The following RAB3GAP1 variants were observed in gnomAD, a reference collection of about 807,000 sequenced individuals.
RAB3GAP1 encodes the protein RAB3 GTPase activating protein catalytic subunit 1.
RAB3GAP1 carries 86 observed loss-of-function variants against 130.7 expected under a neutral mutation model. The ratio of observed to expected loss-of-function variants is 0.66; its 90% CI spans 0.55 to 0.79. The LOEUF is 0.79. RAB3GAP1 is among the 30% of genes least tolerant of loss of function. The pLI, the probability that RAB3GAP1 is intolerant of heterozygous loss-of-function variation, is 0.00. For synonymous variants in RAB3GAP1, 367 were observed against 401.7 expected (o/e 0.91, Z 1.03); for missense variants, 1,029 against 1,169.4 (o/e 0.88, Z 1.75).
intron 8 of RAB3GAP1, among the ~76,000 whole-genome samples, chr2:135,121,713 A>G (rs1295570992): frequency 6.6e-6 from 1 of 152,236 alleles, no homozygotes; most frequent in Admixed American, 6.5e-5. Flanking sequence ...AAAATAAACT[A>G]ATATTCTTTA....
At chr2:135,147,345 CAAA>C (rs34677841) in intron 17 of RAB3GAP1, among the ~76,000 whole-genome samples, 2 of 84,024 alleles carry the variant, frequency 2.4e-5, no homozygotes, top group African/African-American at 4.5e-5. Flanking sequence ...GACTCTGTCT[CAAA>C]AAAAAAAAAA....
intron 17 of RAB3GAP1, among the ~76,000 whole-genome samples, chr2:135,136,155 G>A (rs1407853563): frequency 1.3e-5 from 2 of 152,044 alleles, no homozygotes; most frequent in Non-Finnish European, 2.9e-5. Context: ...GTGAAACCCT[G>A]TCTCTACTAA....
intron 5 of RAB3GAP1, among the ~76,000 whole-genome samples, chr2:135,105,887 C>G (rs2104899546): frequency 1.3e-5 from 2 of 152,090 alleles, no homozygotes; most frequent in South Asian, 4.2e-4. Flanking sequence ...AGCCGCGACC[C>G]CATCTGGGAG....
At chr2:135,168,380 T>A (rs768964262) in intron 23 of RAB3GAP1, among the ~76,000 whole-genome samples, 165 bp from the exon 24 acceptor site, 4 of 152,240 alleles carry the variant, frequency 2.6e-5, no homozygotes, top group Non-Finnish European at 5.9e-5. Context: ...TTCTTGCATT[T>A]GCTGTGTTAT....
intron 19 of RAB3GAP1, among the ~76,000 whole-genome samples, chr2:135,161,723 A>G (rs996229228): frequency 6.6e-6 from 1 of 152,220 alleles, no homozygotes; most frequent in African/African-American, 2.4e-5. Flanking sequence ...TAAATAAAGC[A>G]AATAATAAAA....
Position 135,081,262 on chromosome 2 carries a change from G to A in RAB3GAP1, c.151-9736G>A, listed in dbSNP as rs565636970. Reference sequence around the variant, plus strand: ...GTGGAGCTTGCAGTGAGCCGAGATCGCGCCACTGCACTCCAGCCTGGGTGA... The same window carrying A: ...GTGGAGCTTGCAGTGAGCCGAGATCACGCCACTGCACTCCAGCCTGGGTGA... On this transcript the variant is annotated intron_variant, in intron 3 of 23. Coordinates refer to ENST00000264158, the MANE Select transcript of RAB3GAP1 (RefSeq NM_012233.3). 3.5e-3 allele frequency among the ~76,000 whole-genome samples: 449 copies of A among 128,512 alleles called. 3 individuals are homozygous for A. The highest frequency in any genetic ancestry group is 4.8e-3 in the Non-Finnish European group (307 of 64,098). 84.3% of individuals were successfully genotyped at this position (128,512 alleles called of 152,430 possible).
chr2:135,094,427 T>C (rs1267287954), intron 5 of RAB3GAP1, among the ~76,000 whole-genome samples: 1 of 152,206 alleles, frequency 6.6e-6, no homozygotes, highest in African/African-American at 2.4e-5. Flanking sequence ...TCTTGACATA[T>C]ACAACAAATT....
In RAB3GAP1 at chr2:135,150,308, T is replaced by C. The variant is rs139113585; in HGVS notation, c.1924-61T>C. The C allele has an allele frequency of 8.8e-6, 14 of 1,594,900 alleles. No individual in the cohort carries two copies. In the East Asian group the frequency reaches 3.1e-4, roughly 36 times the overall value. ...AATGACTGTTGTCTTTATTCTATTTTTATGGTACTTCTTTTTCTAAAAAGG... is the reference window on the plus strand; with the variant it reads ...AATGACTGTTGTCTTTATTCTATTTCTATGGTACTTCTTTTTCTAAAAAGG... On this transcript the variant is annotated intron_variant, in intron 17 of 23. Coordinates refer to ENST00000264158, the MANE Select transcript of RAB3GAP1 (RefSeq NM_012233.3).
Position 135,169,180 on chromosome 2 carries a change from G to A in RAB3GAP1, c.*399G>A. The A allele has an allele frequency of 3.6e-6, 1 of 280,066 alleles. No homozygotes were observed. Among genetic ancestry groups the A allele is most frequent in the South Asian group, 4.1e-5 (1 of 24,606 alleles). The allele number at this position is 280,066 out of a possible 1,614,324, so 17.3% of individuals were successfully genotyped here. A position where few individuals can be genotyped will look rare whatever the true frequency, so the allele number is the denominator to read the frequency against. The stretch of plus-strand genomic sequence containing the variant: ...TCGTGGTTCTATATATCAGCAGCAA[G>A]TGTGCAAAATAAAGGACCTGTTAAC... On this transcript the variant is annotated 3_prime_UTR_variant, in exon 24 of 24. Coordinates refer to ENST00000264158, the MANE Select transcript of RAB3GAP1 (RefSeq NM_012233.3).
intron 5 of RAB3GAP1, among the ~76,000 whole-genome samples, chr2:135,097,615 C>T (rs1690338259): frequency 6.6e-6 from 1 of 152,104 alleles, no homozygotes; most frequent in African/African-American, 2.4e-5. Flanking sequence ...TAGAATTCTA[C>T]TGTATGTAAA....
chr2:135,085,414 T>A (rs539819513), intron 3 of RAB3GAP1, among the ~76,000 whole-genome samples: 2 of 152,274 alleles, frequency 1.3e-5, no homozygotes, highest in Admixed American at 1.3e-4. Flanking sequence ...ATAGCAGATT[T>A]GTATTTTAGG....
At chr2:135,136,853 G>A in intron 17 of RAB3GAP1, 1 of 379,914 alleles carries the variant, frequency 2.6e-6, no homozygotes, top group Non-Finnish European at 4.3e-6. Context: ...CCCACACCAA[G>A]GTGGGAGTAT....
chr2:135,160,538 T>C (rs1692437017), intron 19 of RAB3GAP1, among the ~76,000 whole-genome samples: 1 of 151,688 alleles, frequency 6.6e-6, no homozygotes, highest in African/African-American at 2.4e-5. Context: ...CGGGCAGTAG[T>C]GGCCATGTGC....
chr2:135,111,902 T>C (rs1165775284), intron 5 of RAB3GAP1, among the ~76,000 whole-genome samples: 4 of 152,226 alleles, frequency 2.6e-5, no homozygotes, highest in Non-Finnish European at 5.9e-5. Context: ...TTCTTTTTAG[T>C]AAAAATCCTT....
chr2:135,113,051 T>C, intron 5 of RAB3GAP1, 100 bp from the exon 6 acceptor site: 1 of 1,521,870 alleles, frequency 6.6e-7, no homozygotes, highest in Non-Finnish European at 9.1e-7. Context: ...AAACCTGACT[T>C]GTTAAATTTT....
At chr2:135,075,860 T>G (rs1689618147) in intron 3 of RAB3GAP1, among the ~76,000 whole-genome samples, 1 of 151,948 alleles carries the variant, frequency 6.6e-6, no homozygotes, top group Non-Finnish European at 1.5e-5. Context: ...CCCACCAATC[T>G]CCTTGTGAAT....
chr2:135,130,732 G>A lies in RAB3GAP1; in HGVS notation c.1236+11G>A. The A allele has an allele frequency of 6.2e-7, 1 of 1,605,132 alleles. No individual in the cohort carries two copies. Among genetic ancestry groups the A allele is most frequent in the Non-Finnish European group, 8.5e-7 (1 of 1,172,086 alleles). ...AATACTATTCTCCTGGTAACTAAAT[G>A]TTCTGTCTTTATAGGTCTATATGCA... On this transcript the variant is annotated intron_variant, in intron 13 of 23. Transcript: ENST00000264158.
chr2:135,116,063 T>A (rs1256248266), intron 7 of RAB3GAP1, among the ~76,000 whole-genome samples: 2 of 152,114 alleles, frequency 1.3e-5, no homozygotes, highest in Non-Finnish European at 2.9e-5. Context: ...TAGAGAAATA[T>A]TACTCTTAGG....
At chr2:135,126,311 A>G in intron 10 of RAB3GAP1, 62 bp downstream of exon 10, 1 of 1,255,658 alleles carries the variant, frequency 8.0e-7, no homozygotes, top group Non-Finnish European at 1.1e-6. Context: ...TAACTCTCAA[A>G]TTGCTAGTAA....
Sources: gnomAD v4.1 joint callset for allele counts (sites outside exome capture counted in the v4.1 genomes callset) on GRCh38, gnomAD v4.1.1 for gene constraint, MANE v1.5 for transcripts, NCBI Gene and HGNC (gene_info 2026-07-23, HGNC 2026-07-21) for gene names.